JAKMIP1: variants seen among roughly 807,000 people sequenced by gnomAD.
The protein encoded by JAKMIP1 is janus kinase and microtubule-interacting protein 1.
A neutral mutation model predicts 113.0 loss-of-function variants in JAKMIP1; 33 were observed. That is an observed-to-expected ratio of 0.29 (90% CI 0.22 to 0.39). JAKMIP1 has a LOEUF of 0.39. Among genes scored for constraint, JAKMIP1 ranks in the 10% least tolerant of loss-of-function variants. The pLI, the probability that JAKMIP1 is intolerant of heterozygous loss-of-function variation, is 1.00. For synonymous variants in JAKMIP1, 480 were observed against 459.9 expected (o/e 1.04, Z -0.56); for missense variants, 813 against 1,080.5 (o/e 0.75, Z 3.47).
chr4:6,045,247 CGG>C (rs1247040541), intron 16 of JAKMIP1, among the ~76,000 whole-genome samples: 2 of 152,208 alleles, frequency 1.3e-5, no homozygotes, highest in African/African-American at 4.8e-5. Flanking sequence ...TGGCTGAGGC[CGG>C]TGTCTTTTTC....
At position 6,065,125 on chromosome 4, in the gene JAKMIP1, G is replaced by A; in HGVS notation, c.1303-117C>T. On this transcript the variant is annotated intron_variant, in intron 8 of 20. Transcript: ENST00000409021. The surrounding 1 kb of genome is among the most constrained non-coding windows in gnomAD (Gnocchi z 5.1). ...GATGATTGACATTTGGGCCACTGGG[G>A]CATCACAAGATGCGGTTGGTGGGCT... 2.3e-6 allele frequency: 3 copies of A among 1,288,898 alleles called. No homozygotes were observed. Among genetic ancestry groups the A allele is most frequent in the African/African-American group, 2.9e-5 (2 of 68,886 alleles). The allele number at this position is 1,288,898 out of a possible 1,614,324, so 79.8% of individuals were successfully genotyped here.
At chr4:6,053,489 T>G (rs1392910584) in intron 13 of JAKMIP1, among the ~76,000 whole-genome samples, 2 of 152,228 alleles carry the variant, frequency 1.3e-5, no homozygotes, top group African/African-American at 4.8e-5. Flanking sequence ...TACATCCTTC[T>G]ACCCTGTCTT....
chr4:6,197,592 C>T lies in JAKMIP1; in HGVS notation c.-148+2661G>A, dbSNP rs1727983511. Reference sequence around the variant, plus strand: ...CTACAGGCAAGTCCAACTTCAGAAGCCCTGCAGGTTGATCCCGTCGCCACT... The same window carrying T: ...CTACAGGCAAGTCCAACTTCAGAAGTCCTGCAGGTTGATCCCGTCGCCACT... On this transcript the variant is annotated intron_variant, in intron 1 of 20. Coordinates refer to ENST00000409021, the MANE Select transcript of JAKMIP1 (RefSeq NM_001099433.2). This position sits in a 1 kb window ranked among gnomAD's most constrained non-coding sequence, Gnocchi z 6.5. Among the ~76,000 whole-genome samples the T allele has an allele frequency of 6.6e-6, 1 of 152,192 alleles. No individual in the cohort carries two copies. The highest frequency in any genetic ancestry group is 1.5e-5 in the Non-Finnish European group (1 of 68,028).
intron 18 of JAKMIP1, among the ~76,000 whole-genome samples, chr4:6,036,506 G>A (rs1183259274): frequency 6.6e-6 from 1 of 152,184 alleles, no homozygotes; most frequent in Non-Finnish European, 1.5e-5. Context: ...GGGTGCCAAT[G>A]GGGAAATATG....
Position 6,169,962 on chromosome 4 carries a change from CACCACCACCACCACCACT to C in JAKMIP1, c.-148+30273_-148+30290del, listed in dbSNP as rs1217403096. ...ATACTACCACTACCATCACTCTCAT[CACCACCACCACCACCACT>C]ACCACCACCACCACCACCACCACCA... is the stretch of plus-strand genomic sequence containing the variant. On this transcript the variant is annotated intron_variant, in intron 1 of 20. Coordinates refer to ENST00000409021, the MANE Select transcript of JAKMIP1 (RefSeq NM_001099433.2). 1.5e-3 allele frequency among the ~76,000 whole-genome samples: 202 copies of C among 135,576 alleles called. 1 individual carries two copies. Among genetic ancestry groups the C allele is most frequent in the Admixed American group, 2.6e-3 (36 of 14,050 alleles). 88.9% of individuals were successfully genotyped at this position (135,576 alleles called of 152,430 possible).
At chr4:6,118,723 G>C (rs1038585890) in intron 1 of JAKMIP1, among the ~76,000 whole-genome samples, 2 of 152,062 alleles carry the variant, frequency 1.3e-5, no homozygotes, top group Non-Finnish European at 2.9e-5. Flanking sequence ...ACCCTGGACT[G>C]AGGCCACAGG....
At chr4:6,054,250 G>C in intron 12 of JAKMIP1, 102 bp from the exon 13 acceptor site, 1 of 1,133,634 alleles carries the variant, frequency 8.8e-7, no homozygotes, top group Non-Finnish European at 1.3e-6. Context: ...CAGACGACTG[G>C]CCACGGAGGC....
At chr4:6,146,377 T>C (rs1720850973) in intron 1 of JAKMIP1, among the ~76,000 whole-genome samples, 1 of 152,320 alleles carries the variant, frequency 6.6e-6, no homozygotes, top group African/African-American at 2.4e-5. Flanking sequence ...ACTGCAGCCT[T>C]GACCTCTCGG....
At chr4:6,030,305 G>A (rs1038942688) in intron 19 of JAKMIP1, among the ~76,000 whole-genome samples, 8 of 152,180 alleles carry the variant, frequency 5.3e-5, no homozygotes, top group Admixed American at 2.0e-4. Flanking sequence ...ACCAGCATCC[G>A]CCCTGCCCTC....
At chr4:6,060,543 C>A (rs1287100298) in intron 10 of JAKMIP1, 36 bp from the exon 11 acceptor site, 5 of 1,492,528 alleles carry the variant, frequency 3.4e-6, no homozygotes, top group Non-Finnish European at 2.8e-6. Context: ...AGCAGGTCAC[C>A]TCCAATGGGT....
At position 6,198,454 on chromosome 4, in the gene JAKMIP1, T is replaced by C. The variant is rs1199134047; in HGVS notation, c.-148+1799A>G. Among the ~76,000 whole-genome samples the C allele has an allele frequency of 3.3e-5, 5 of 151,608 alleles. No homozygotes were observed. The East Asian group carries it at 9.7e-4, about 29-fold the overall frequency. Reference sequence around the variant, plus strand: ...CTGGGGAAGCCAGGATGTGAGGAACTGGTGAGGTCGTGGGGGCGGTGGGAG... The same window carrying C: ...CTGGGGAAGCCAGGATGTGAGGAACCGGTGAGGTCGTGGGGGCGGTGGGAG... On this transcript the variant is annotated intron_variant, in intron 1 of 20. Transcript: ENST00000409021.
At chr4:6,170,516 T>TCACCACCATTATCAC (rs1724408602) in intron 1 of JAKMIP1, among the ~76,000 whole-genome samples, 1 of 113,078 alleles carries the variant, frequency 8.8e-6, no homozygotes, top group Non-Finnish European at 1.9e-5. Flanking sequence ...ACCACCACCA[T>TCACCACCATTATCAC]CACCACCATT....
intron 18 of JAKMIP1, among the ~76,000 whole-genome samples, chr4:6,039,880 T>C (rs77337317): frequency 0.022 from 3,283 of 152,298 alleles, 103 homozygotes; most frequent in African/African-American, 0.074. Flanking sequence ...TTTTTAGTGA[T>C]TGGCTCTGCA....
chr4:6,029,804 T>G (rs775727147), intron 19 of JAKMIP1, 23 bp from the exon 20 acceptor site: 2 of 1,550,478 alleles, frequency 1.3e-6, no homozygotes, highest in East Asian at 2.3e-5. Flanking sequence ...AGGTTACGTG[T>G]CAGAAAAAGT....
intron 8 of JAKMIP1, among the ~76,000 whole-genome samples, chr4:6,071,103 T>C (rs1268736004): frequency 2.6e-5 from 4 of 152,258 alleles, no homozygotes; most frequent in African/African-American, 9.6e-5. Context: ...ACTTCAACAA[T>C]GCATGATGCT....
chr4:6,087,616 A>G (rs2108836060), intron 3 of JAKMIP1, among the ~76,000 whole-genome samples: 1 of 152,332 alleles, frequency 6.6e-6, no homozygotes. Flanking sequence ...ACGGTGCTAC[A>G]GTTCTGATGT....
chr4:6,085,461 G>A lies in JAKMIP1; in HGVS notation c.793C>T (p.Pro265Ser). Residue 265 changes from proline to serine, a missense_variant, in exon 4 of 21, where the codon CCG (proline) becomes TCG (serine). Around this residue, in one of 2 missense-constraint regions of JAKMIP1, gnomAD observed 540 missense variants for 653.9 expected, o/e 0.83. Coordinates refer to ENST00000409021, the MANE Select transcript of JAKMIP1 (RefSeq NM_001099433.2). ...TCCACCATGTCCCCGATCCCGGGCGGGAGCTCTCTCTTTGGACTACTGTGG... is the reference window on the plus strand; with the variant it reads ...TCCACCATGTCCCCGATCCCGGGCGAGAGCTCTCTCTTTGGACTACTGTGG... ...RHHSSPKREL[P>S]PGIGDMVELM... 6.2e-7 allele frequency: 1 copy of A among 1,613,964 alleles called. No homozygotes were observed. Among genetic ancestry groups the A allele is most frequent in the Non-Finnish European group, 8.5e-7 (1 of 1,180,016 alleles).
At chr4:6,126,684 C>T (rs550845572) in intron 1 of JAKMIP1, among the ~76,000 whole-genome samples, 7 of 147,840 alleles carry the variant, frequency 4.7e-5, no homozygotes, top group Admixed American at 1.4e-4. Context: ...CACACCCATA[C>T]ATACACCACC....
intron 1 of JAKMIP1, among the ~76,000 whole-genome samples, chr4:6,115,599 TG>T (rs1460643694): frequency 6.6e-6 from 1 of 152,184 alleles, no homozygotes; most frequent in East Asian, 1.9e-4. Flanking sequence ...AGGGACCACC[TG>T]GGGGATGCAA....
Sources: allele counts gnomAD v4.1 joint callset (sites outside exome capture counted in the v4.1 genomes callset), GRCh38; gene constraint gnomAD v4.1.1; regional missense constraint gnomAD v4.1.1; non-coding constraint Gnocchi (gnomAD v3.1); transcripts MANE v1.5; gene names NCBI Gene and HGNC (gene_info 2026-07-23, HGNC 2026-07-21).